Variants in VTA1 observed in about 807,000 individuals in gnomAD.
VTA1 encodes vesicle trafficking 1, also known as vacuolar protein sorting-associated protein VTA1 homolog.
VTA1 carries 24 observed loss-of-function variants against 36.9 expected under a neutral mutation model. The observed-to-expected ratio is 0.65, with a 90% CI of 0.47 to 0.91. The LOEUF is 0.91. Among genes scored for constraint, VTA1 ranks in the 40% least tolerant of loss-of-function variants. The pLI is 0.00. For missense variants in VTA1, 393 were observed against 377.2 expected (o/e 1.04, Z -0.35); for synonymous variants, 142 against 130.2 (o/e 1.09, Z -0.62).
intron 7 of VTA1, among the ~76,000 whole-genome samples, chr6:142,209,347 TTAATAACTAACTA>T: frequency 6.6e-6 from 1 of 151,926 alleles, no homozygotes. Flanking sequence ...AAGTTAGTTA[TTAATAACTAACTA>T]TAATATTCCG....
At chr6:142,177,383 G>A (rs1309881338) in intron 4 of VTA1, among the ~76,000 whole-genome samples, 2 of 152,120 alleles carry the variant, frequency 1.3e-5, no homozygotes, top group African/African-American at 4.8e-5. Context: ...TTCAACATAC[G>A]TAAGATGATG....
chr6:142,216,917 G>A (rs75702389), intron 7 of VTA1, among the ~76,000 whole-genome samples: 4,065 of 152,220 alleles, frequency 0.027, 180 homozygotes, highest in African/African-American at 0.091. Context: ...ACAAAAAGTA[G>A]CGTTAAGGTA....
intron 6 of VTA1, among the ~76,000 whole-genome samples, chr6:142,201,814 T>C (rs1222337059): frequency 2.0e-5 from 3 of 151,992 alleles, no homozygotes; most frequent in African/African-American, 4.8e-5. Flanking sequence ...TCTTTCCTTA[T>C]ACTGTTACTC....
At chr6:142,208,213 A>G (rs1365360901) in intron 7 of VTA1, among the ~76,000 whole-genome samples, 1 of 152,162 alleles carries the variant, frequency 6.6e-6, no homozygotes, top group African/African-American at 2.4e-5. Flanking sequence ...AATACAGAAA[A>G]GCAATAAAGA....
At chr6:142,186,564 G>A (rs2114661848) in intron 4 of VTA1, among the ~76,000 whole-genome samples, 1 of 152,156 alleles carries the variant, frequency 6.6e-6, no homozygotes. Flanking sequence ...TTAGGTAAGG[G>A]AGTGGGGGGA....
At chr6:142,162,527 C>A (rs225648) in intron 1 of VTA1, among the ~76,000 whole-genome samples, 83,117 of 151,978 alleles carry the variant, frequency 0.55, 23,007 homozygotes, top group Middle Eastern at 0.61. Flanking sequence ...TGGTTGTCTT[C>A]GAGATTAAAG....
intron 1 of VTA1, among the ~76,000 whole-genome samples, chr6:142,165,688 T>C (rs1314162330): frequency 6.6e-6 from 1 of 152,214 alleles, no homozygotes; most frequent in Non-Finnish European, 1.5e-5. Flanking sequence ...GCTACTGAAA[T>C]TGTGGTGACA....
At chr6:142,192,495 AT>A (rs1253863065) in intron 5 of VTA1, among the ~76,000 whole-genome samples, 1 of 152,000 alleles carries the variant, frequency 6.6e-6, no homozygotes, top group African/African-American at 2.4e-5. Context: ...TTCATTTTAT[AT>A]GGTAAATTTG....
intron 5 of VTA1, among the ~76,000 whole-genome samples, chr6:142,190,459 C>T (rs1048005325): frequency 5.3e-5 from 8 of 151,790 alleles, no homozygotes; most frequent in South Asian, 2.1e-4. Flanking sequence ...TTAATATGTA[C>T]AGGAAAATTT....
rs765659030 is a variant in VTA1 at position 142,198,526 on chromosome 6, A to G, written c.608A>G (p.Asn203Ser). The G allele has an allele frequency of 4.3e-6, 7 of 1,614,160 alleles. No individual in the cohort carries two copies. The East Asian group carries it at 1.6e-4, about 36-fold the overall frequency. ...PSSSSTYDPS[N>S]MPSGNYTGIQ... Reference sequence around the variant, plus strand: ...TCATCTTCAACTTATGACCCAAGCAACATGCCATCAGGCAACTATACTGGA... The same window carrying G: ...TCATCTTCAACTTATGACCCAAGCAGCATGCCATCAGGCAACTATACTGGA... Residue 203 changes from asparagine to serine, a missense_variant, in exon 6 of 8, where the codon AAC becomes AGC. Transcript: ENST00000367630.
chr6:142,175,227 C>G (rs940397443), intron 4 of VTA1, among the ~76,000 whole-genome samples: 1 of 151,992 alleles, frequency 6.6e-6, no homozygotes, highest in Non-Finnish European at 1.5e-5. Context: ...GCAGTTCGTT[C>G]TTCTGTCATT....
At chr6:142,210,544 A>G (rs2114685238) in intron 7 of VTA1, among the ~76,000 whole-genome samples, 1 of 152,362 alleles carries the variant, frequency 6.6e-6, no homozygotes. Flanking sequence ...CAAGGGATTA[A>G]TAACCAGAAT....
chr6:142,189,661 G>A (rs755828330), intron 5 of VTA1, 127 bp downstream of exon 5: 2 of 652,044 alleles, frequency 3.1e-6, no homozygotes, highest in Non-Finnish European at 5.0e-6. Context: ...TGAAAGTTAA[G>A]TATAAAATCA....
At chr6:142,174,043 G>A (rs144813273) in intron 4 of VTA1, among the ~76,000 whole-genome samples, 10 of 152,270 alleles carry the variant, frequency 6.6e-5, no homozygotes, top group Non-Finnish European at 1.3e-4. Context: ...CAGATAGTTG[G>A]AGGGGTCTGG....
chr6:142,158,294 A>C (rs893760194), intron 1 of VTA1, among the ~76,000 whole-genome samples: 2 of 152,212 alleles, frequency 1.3e-5, no homozygotes, highest in African/African-American at 2.4e-5. Flanking sequence ...TGCTGGATGC[A>C]GGGTAAGACT....
At position 142,185,780 on chromosome 6, in the gene VTA1, A is replaced by G. The variant is rs139480456; in HGVS notation, c.412-3646A>G. On this transcript the variant is annotated intron_variant, in intron 4 of 7. Transcript: ENST00000367630. The stretch of plus-strand genomic sequence containing the variant: ...AACGTAACAGAACTTCCTAAATCCA[A>G]TAGCCACTTACATACCACAGAAATA... 5.0e-4 allele frequency among the ~76,000 whole-genome samples: 76 copies of G among 152,354 alleles called. 1 individual carries two copies. Among genetic ancestry groups the G allele is most frequent in the African/African-American group, 1.6e-3 (68 of 41,586 alleles).
chr6:142,204,733 T>A (rs1769580575), intron 7 of VTA1, among the ~76,000 whole-genome samples: 1 of 151,588 alleles, frequency 6.6e-6, no homozygotes, highest in Non-Finnish European at 1.5e-5. Flanking sequence ...TTAAAGGAAG[T>A]GAAGACCTTT....
chr6:142,204,047 T>G lies in VTA1; in HGVS notation c.760T>G (p.Phe254Val). Residue 254 changes from phenylalanine (F) to valine (V), a missense_variant, in exon 7 of 8, where the codon TTC becomes GTC. Phe to Val is a conservative substitution (Grantham distance 50). Coordinates refer to ENST00000367630, the MANE Select transcript of VTA1 (RefSeq NM_016485.5). ...TATACCTGCCATTGATCCCGCACTT[T>G]TCAATACAATTTCCCAGGGTAAGTC... The part of the protein sequence containing the change: ...QTIPAIDPAL[F>V]NTISQGDVRL... 6.2e-7 allele frequency: 1 copy of G among 1,613,572 alleles called. No individual in the cohort carries two copies. Among genetic ancestry groups the G allele is most frequent in the Non-Finnish European group, 8.5e-7 (1 of 1,179,646 alleles).
At chr6:142,217,283 G>A (rs2114691795) in intron 7 of VTA1, among the ~76,000 whole-genome samples, 1 of 152,190 alleles carries the variant, frequency 6.6e-6, no homozygotes, top group Non-Finnish European at 1.5e-5. Flanking sequence ...TTTAATTAAT[G>A]TTTAATTCTA....
Sources: allele counts gnomAD v4.1 joint callset (sites outside exome capture counted in the v4.1 genomes callset), GRCh38; gene constraint gnomAD v4.1.1; transcripts MANE v1.5; gene names NCBI Gene and HGNC (gene_info 2026-07-23, HGNC 2026-07-21).